ZFPM2: variants seen among roughly 807,000 people sequenced by gnomAD.
ZFPM2 encodes zinc finger protein ZFPM2.
In ZFPM2, 20 loss-of-function variants were observed where a neutral mutation model predicts 98.6. The observed-to-expected ratio is 0.20, with a 90% confidence interval of 0.14 to 0.29. The LOEUF (loss-of-function observed/expected upper bound fraction) is 0.29, where lower values mean the gene tolerates loss of function less well. Among genes scored for constraint, ZFPM2 ranks in the 10% least tolerant of loss-of-function variants. The probability of loss-of-function intolerance (pLI) is 1.00; values close to 1 mark genes in which losing one functional copy is unlikely to be tolerated. For synonymous variants in ZFPM2, 518 were observed against 502.7 expected, an observed-to-expected ratio of 1.03 and a Z score of -0.41; for missense variants, 1,310 against 1,388.6, an observed-to-expected ratio of 0.94 and a Z score of 0.90.
At chr8:105,330,621 T>TATATATACATATATATATACAC (rs1812212343) in intron 1 of ZFPM2, among the ~76,000 whole-genome samples, 2 of 104,626 alleles carry the variant, frequency 1.9e-5, no homozygotes, top group East Asian at 5.2e-4. Context: ...CACATATATA[T>TATATATACATATATATATACAC]ATATATATAT....
Position 105,441,173 on chromosome 8 carries a change from C to T in ZFPM2, c.200-3107C>T, listed in dbSNP as rs559532537. ...CCATCTCAAAACAAAAACAAACAAA[C>T]AAACAAACAAAAACCAAAAAAACCC... On this transcript the variant is annotated intron_variant, in intron 2 of 7. Coordinates refer to ENST00000407775, the MANE Select transcript of ZFPM2 (RefSeq NM_012082.4). 2.6e-5 allele frequency among the ~76,000 whole-genome samples: 4 copies of T among 151,576 alleles called. No homozygotes were observed. The East Asian group carries it at 7.8e-4, about 29-fold the overall frequency.
chr8:105,621,424 G>A (rs1816543403), intron 4 of ZFPM2, among the ~76,000 whole-genome samples: 1 of 152,084 alleles, frequency 6.6e-6, no homozygotes, highest in South Asian at 2.1e-4. Context: ...AGGAGGTTTG[G>A]GGCTGAGACT....
chr8:105,521,694 C>T (rs1377001301), intron 3 of ZFPM2, among the ~76,000 whole-genome samples: 1 of 152,098 alleles, frequency 6.6e-6, no homozygotes. Context: ...TCTCCTGCCT[C>T]AGCCTCCCGA....
intron 2 of ZFPM2, among the ~76,000 whole-genome samples, chr8:105,421,052 T>G (rs1465393457): frequency 6.6e-6 from 1 of 152,080 alleles, no homozygotes; most frequent in Non-Finnish European, 1.5e-5. Context: ...AGTTTTAAGG[T>G]AGTAATTTCC....
chr8:105,511,446 C>G (rs1021184437), intron 3 of ZFPM2, among the ~76,000 whole-genome samples: 1 of 152,188 alleles, frequency 6.6e-6, no homozygotes, highest in African/African-American at 2.4e-5. Context: ...CATTTCTCAG[C>G]TCTTCACCTA....
At chr8:105,745,200 CT>C (rs1260353208) in intron 5 of ZFPM2, among the ~76,000 whole-genome samples, 3 of 152,112 alleles carry the variant, frequency 2.0e-5, no homozygotes, top group African/African-American at 7.2e-5. Flanking sequence ...GTATCATCAT[CT>C]AACCAGTACC....
At chr8:105,694,412 A>G (rs1337544076) in intron 5 of ZFPM2, among the ~76,000 whole-genome samples, 1 of 152,160 alleles carries the variant, frequency 6.6e-6, no homozygotes, top group African/African-American at 2.4e-5. Context: ...AAAAGTCTCT[A>G]CTTCCTAATA....
chr8:105,419,798 A>C (rs1811756439), intron 2 of ZFPM2, among the ~76,000 whole-genome samples: 1 of 151,780 alleles, frequency 6.6e-6, no homozygotes, highest in Non-Finnish European at 1.5e-5. Context: ...CAAATAAAAA[A>C]ATATACATTC....
intron 1 of ZFPM2, chr8:105,387,590 G>C (rs1360746737): frequency 6.5e-6 from 1 of 152,950 alleles, no homozygotes; most frequent in East Asian, 1.9e-4. Context: ...CTGAGTGCAG[G>C]GCCCGTGGAG....
intron 4 of ZFPM2, among the ~76,000 whole-genome samples, chr8:105,606,834 A>G (rs185400119): frequency 1.3e-5 from 2 of 152,246 alleles, no homozygotes; most frequent in African/African-American, 2.4e-5. Context: ...GATCACATAT[A>G]TAATTAAAGG....
intron 5 of ZFPM2, among the ~76,000 whole-genome samples, chr8:105,652,514 A>T (rs2130871112): frequency 6.6e-6 from 1 of 151,942 alleles, no homozygotes; most frequent in East Asian, 2.0e-4. Flanking sequence ...CTATTTATGC[A>T]TGTATTTCTA....
chr8:105,413,762 A>T (rs1811626813), intron 1 of ZFPM2, among the ~76,000 whole-genome samples: 1 of 151,796 alleles, frequency 6.6e-6, no homozygotes, highest in African/African-American at 2.4e-5. Context: ...ATTGACATAG[A>T]TTCTTTGTTC....
At chr8:105,416,375 T>C (rs1357095431) in intron 1 of ZFPM2, among the ~76,000 whole-genome samples, 1 of 151,634 alleles carries the variant, frequency 6.6e-6, no homozygotes, top group Non-Finnish European at 1.5e-5. Flanking sequence ...AGTAAAATCC[T>C]CTTCTAAAAA....
chr8:105,773,844 G>C (rs1160770488), intron 5 of ZFPM2, among the ~76,000 whole-genome samples: 4 of 151,880 alleles, frequency 2.6e-5, no homozygotes. Context: ...GTTACTTTTT[G>C]TAAAAGACAT....
chr8:105,532,557 T>G (rs181963309), intron 3 of ZFPM2, among the ~76,000 whole-genome samples: 1 of 152,332 alleles, frequency 6.6e-6, no homozygotes, highest in East Asian at 1.9e-4. Context: ...AATCAAATGT[T>G]AAGATTTTAC....
At chr8:105,487,468 C>T (rs1465083808) in intron 3 of ZFPM2, among the ~76,000 whole-genome samples, 2 of 152,158 alleles carry the variant, frequency 1.3e-5, no homozygotes, top group East Asian at 1.9e-4. Context: ...ATTGTTTTCC[C>T]CATTAGAATG....
chr8:105,513,335 T>C (rs962357876), intron 3 of ZFPM2, among the ~76,000 whole-genome samples: 18 of 152,210 alleles, frequency 1.2e-4, no homozygotes, highest in African/African-American at 4.3e-4. Context: ...TCATGAATCA[T>C]TTGCAGATAA....
chr8:105,554,346 G>A (rs552735882), intron 3 of ZFPM2, among the ~76,000 whole-genome samples: 5 of 152,238 alleles, frequency 3.3e-5, no homozygotes, highest in South Asian at 2.1e-4. Flanking sequence ...TAGGTATCTG[G>A]CAGGCAGCTG....
chr8:105,779,753 T>G (rs1039394823), intron 5 of ZFPM2, among the ~76,000 whole-genome samples: 3 of 152,190 alleles, frequency 2.0e-5, no homozygotes, highest in Non-Finnish European at 2.9e-5. Context: ...AATTAGAGTT[T>G]ATCAGCAGAG....
Sources: gnomAD v4.1 joint callset for allele counts (sites outside exome capture counted in the v4.1 genomes callset) on GRCh38, gnomAD v4.1.1 for gene constraint, MANE v1.5 for transcripts, NCBI Gene and HGNC (gene_info 2026-07-23, HGNC 2026-07-21) for gene names.